Variants in PTPRT observed in about 807,000 individuals in gnomAD.
PTPRT encodes receptor-type tyrosine-protein phosphatase T.
In PTPRT, 56 loss-of-function variants were observed where a neutral mutation model predicts 176.8. That is an observed-to-expected ratio of 0.32 (90% CI 0.26 to 0.40). The LOEUF (loss-of-function observed/expected upper bound fraction) is 0.40, where lower values mean the gene tolerates loss of function less well. Among genes scored for constraint, PTPRT ranks in the 10% least tolerant of loss-of-function variants. PTPRT has a pLI of 1.00. For synonymous variants in PTPRT, 783 were observed against 739.0 expected, an observed-to-expected ratio of 1.06 and a Z score of -0.96; for missense variants, 1,540 against 1,908.2, an observed-to-expected ratio of 0.81 and a Z score of 3.60.
At chr20:42,217,672 T>C (rs1269392769) in intron 15 of PTPRT, among the ~76,000 whole-genome samples, 2 of 152,322 alleles carry the variant, frequency 1.3e-5, no homozygotes, top group East Asian at 1.9e-4. Flanking sequence ...GGGAGTTACC[T>C]AGTGCACTGC....
chr20:42,363,292 A>ATTTTTT (rs2058462239), intron 9 of PTPRT, among the ~76,000 whole-genome samples: 1 of 25,464 alleles, frequency 3.9e-5, no homozygotes, highest in African/African-American at 1.8e-4. Context: ...ATATATATAT[A>ATTTTTT]TATATATATT....
At chr20:42,337,243 A>T (rs1449293091) in intron 11 of PTPRT, among the ~76,000 whole-genome samples, 3 of 152,196 alleles carry the variant, frequency 2.0e-5, no homozygotes, top group African/African-American at 7.2e-5. Flanking sequence ...TTCGACCTCC[A>T]ACTTACAATG....
chr20:42,603,959 C>T (rs1478256710), intron 7 of PTPRT, among the ~76,000 whole-genome samples: 1 of 152,178 alleles, frequency 6.6e-6, no homozygotes, highest in Non-Finnish European at 1.5e-5. Flanking sequence ...CCAACATCTT[C>T]CTTTTCCCTT....
chr20:42,547,351 G>A (rs1267865710), intron 7 of PTPRT, among the ~76,000 whole-genome samples: 1 of 151,818 alleles, frequency 6.6e-6, no homozygotes, highest in African/African-American at 2.4e-5. Context: ...TAATTAGTCT[G>A]AGTGACATAA....
chr20:43,035,956 C>A (rs1228635522), intron 1 of PTPRT, among the ~76,000 whole-genome samples: 1 of 152,172 alleles, frequency 6.6e-6, no homozygotes, highest in African/African-American at 2.4e-5. Context: ...CATAAACATA[C>A]ACTGGATACC....
intron 12 of PTPRT, among the ~76,000 whole-genome samples, chr20:42,293,537 C>T (rs2057347097): frequency 6.6e-6 from 1 of 152,018 alleles, no homozygotes; most frequent in Admixed American, 6.6e-5. Context: ...GTTTTATATC[C>T]TCTTTCATCA....
At chr20:42,658,645 T>C (rs1466013603) in intron 7 of PTPRT, among the ~76,000 whole-genome samples, 1 of 152,288 alleles carries the variant, frequency 6.6e-6, no homozygotes, top group East Asian at 1.9e-4. Flanking sequence ...AGTACTGATG[T>C]TGGTGTTACA....
chr20:42,708,841 G>C (rs182789170), intron 6 of PTPRT, among the ~76,000 whole-genome samples: 1 of 152,308 alleles, frequency 6.6e-6, no homozygotes, highest in Non-Finnish European at 1.5e-5. Flanking sequence ...ACCTGAAATG[G>C]GTGATGACTA....
intron 18 of PTPRT, among the ~76,000 whole-genome samples, chr20:42,137,853 T>C (rs6029993): frequency 0.15 from 22,734 of 152,204 alleles, 2,293 homozygotes; most frequent in East Asian, 0.48. Context: ...AACCTGGGAC[T>C]GCCTGACCTC....
At chr20:42,636,245 C>A (rs2074597852) in intron 7 of PTPRT, among the ~76,000 whole-genome samples, 1 of 152,046 alleles carries the variant, frequency 6.6e-6, no homozygotes, top group Non-Finnish European at 1.5e-5. Context: ...AGGGACTGAG[C>A]CATACTTAAT....
intron 1 of PTPRT, among the ~76,000 whole-genome samples, chr20:43,081,985 T>C (rs889899643): frequency 6.6e-6 from 1 of 152,226 alleles, no homozygotes; most frequent in African/African-American, 2.4e-5. Context: ...AATATTGTGG[T>C]ATTGTGGCAT....
Position 42,080,883 on chromosome 20 carries a change from AAGG to A in PTPRT, c.4319_4321del (p.Ser1440del), listed in dbSNP as rs1195361886. ...CAGGTTCCCCATCCCATTGAGCTAA[AAGG>A]AGCTTAAATATTCCAGTGCCACCTC... On this transcript the variant is annotated inframe_deletion, in exon 31 of 31. Transcript: ENST00000373187. 7 of 1,610,666 alleles carry A rather than the reference AAGG, an allele frequency of 4.3e-6. No homozygotes were observed. The South Asian group carries it at 7.7e-5, about 18-fold the overall frequency.
At chr20:43,045,327 G>A (rs3092095) in intron 1 of PTPRT, among the ~76,000 whole-genome samples, 48,602 of 151,742 alleles carry the variant, frequency 0.32, 10,819 homozygotes, top group African/African-American at 0.63. Context: ...CTCCATGGGC[G>A]GATCAGATAC....
chr20:42,541,749 GAAGCCCAGTGTGATACA>G (rs1169364660), intron 7 of PTPRT, among the ~76,000 whole-genome samples: 1 of 151,506 alleles, frequency 6.6e-6, no homozygotes, highest in Non-Finnish European at 1.5e-5. Context: ...TGGAGAGAAG[GAAGCCCAGTGTGATACA>G]AAACCCATAA....
At chr20:42,393,227 C>G (rs1016732234) in intron 9 of PTPRT, among the ~76,000 whole-genome samples, 1 of 152,144 alleles carries the variant, frequency 6.6e-6, no homozygotes, top group African/African-American at 2.4e-5. Flanking sequence ...TGCTGTCTAC[C>G]CAAATGCCAA....
At chr20:42,888,837 G>A (rs952128854) in intron 1 of PTPRT, among the ~76,000 whole-genome samples, 1 of 152,152 alleles carries the variant, frequency 6.6e-6, no homozygotes, top group Non-Finnish European at 1.5e-5. Context: ...GCAGAATAGA[G>A]TGAAAGGTAA....
chr20:42,988,293 C>A (rs1358580533), intron 1 of PTPRT, among the ~76,000 whole-genome samples: 1 of 152,174 alleles, frequency 6.6e-6, no homozygotes, highest in African/African-American at 2.4e-5. Context: ...AGGAGTCAGG[C>A]GTGAAAATAT....
intron 1 of PTPRT, among the ~76,000 whole-genome samples, chr20:43,078,718 C>A (rs1308439545): frequency 6.6e-6 from 1 of 152,182 alleles, no homozygotes; most frequent in Non-Finnish European, 1.5e-5. Context: ...CAGGCTGCCC[C>A]TTTAAAAATG....
At chr20:42,988,364 G>A (rs973564314) in intron 1 of PTPRT, among the ~76,000 whole-genome samples, 1 of 152,162 alleles carries the variant, frequency 6.6e-6, no homozygotes, top group African/African-American at 2.4e-5. Flanking sequence ...GTCCGTGCTT[G>A]TCTTGCCCTT....
Sources: gnomAD v4.1 joint callset for allele counts (sites outside exome capture counted in the v4.1 genomes callset) on GRCh38, gnomAD v4.1.1 for gene constraint, MANE v1.5 for transcripts, NCBI Gene and HGNC (gene_info 2026-07-23, HGNC 2026-07-21) for gene names.